DSCAM: variants seen among roughly 807,000 people sequenced by gnomAD.
DSCAM encodes the protein cell adhesion molecule DSCAM.
DSCAM carries 47 observed loss-of-function variants against 217.7 expected under a neutral mutation model. The ratio of observed to expected loss-of-function variants is 0.22; its 90% confidence interval spans 0.17 to 0.28. DSCAM has a LOEUF of 0.28. Among genes scored for constraint, DSCAM ranks in the 10% least tolerant of loss-of-function variants. The pLI is 1.00. For synonymous variants in DSCAM, 1,056 were observed against 1,015.3 expected, an observed-to-expected ratio of 1.04 and a Z score of -0.76; for missense variants, 2,080 against 2,618.3, an observed-to-expected ratio of 0.79 and a Z score of 4.49.
intron 1 of DSCAM, among the ~76,000 whole-genome samples, chr21:40,713,769 T>G (rs1220361678): frequency 2.6e-5 from 4 of 152,192 alleles, no homozygotes; most frequent in Non-Finnish European, 5.9e-5. Flanking sequence ...ACCAGTCATT[T>G]AAACACTAAG....
intron 20 of DSCAM, among the ~76,000 whole-genome samples, chr21:40,117,654 T>A (rs534153378): frequency 1.3e-5 from 2 of 152,134 alleles, no homozygotes; most frequent in South Asian, 4.2e-4. Context: ...TGAAATAGAA[T>A]AGAAAAAAAG....
chr21:40,704,837 A>G (rs1485054504), intron 2 of DSCAM, among the ~76,000 whole-genome samples: 1 of 152,246 alleles, frequency 6.6e-6, no homozygotes, highest in African/African-American at 2.4e-5. Flanking sequence ...ATTCAACTTC[A>G]TATTCAACAA....
At chr21:40,610,587 A>ATCCCC (rs2089299802) in intron 3 of DSCAM, among the ~76,000 whole-genome samples, 1 of 152,228 alleles carries the variant, frequency 6.6e-6, no homozygotes, top group South Asian at 2.1e-4. Flanking sequence ...GTCTGATTCC[A>ATCCCC]TCCCCTCCCC....
chr21:40,472,824 A>C (rs1464294267), intron 3 of DSCAM, among the ~76,000 whole-genome samples: 1 of 152,208 alleles, frequency 6.6e-6, no homozygotes, highest in Non-Finnish European at 1.5e-5. Context: ...CAATTCTCCC[A>C]ATATGCATGT....
intron 1 of DSCAM, among the ~76,000 whole-genome samples, chr21:40,806,167 C>T (rs2091785234): frequency 6.6e-6 from 1 of 152,200 alleles, no homozygotes; most frequent in Admixed American, 6.5e-5. Flanking sequence ...ATGAGGCTGG[C>T]CCTTCTTTCC....
rs75088819 is a variant in DSCAM at position 40,090,190 on chromosome 21, T to C, written c.3851-2903A>G. On this transcript the variant is annotated intron_variant, in intron 21 of 32. Transcript: ENST00000400454. ...GTCGTGGGCTCTTTCTTATGTATTGTTGATTTCTCGTTTCTCCCTCTCTAC... is the reference window on the plus strand; with the variant it reads ...GTCGTGGGCTCTTTCTTATGTATTGCTGATTTCTCGTTTCTCCCTCTCTAC... Among the ~76,000 whole-genome samples the C allele has an allele frequency of 2.6e-4, 40 of 152,336 alleles. No homozygotes were observed. The East Asian group carries it at 7.5e-3, about 29-fold the overall frequency.
intron 14 of DSCAM, among the ~76,000 whole-genome samples, chr21:40,185,979 C>T (rs562778513): frequency 6.6e-6 from 1 of 152,344 alleles, no homozygotes; most frequent in East Asian, 1.9e-4. Flanking sequence ...TCTAGGCCCC[C>T]AGTTGCAACT....
At chr21:40,735,113 T>C (rs530026583) in intron 1 of DSCAM, among the ~76,000 whole-genome samples, 1 of 152,262 alleles carries the variant, frequency 6.6e-6, no homozygotes, top group African/African-American at 2.4e-5. Context: ...TGTACATATA[T>C]GTTATTTGCA....
At chr21:40,683,849 T>C (rs1361045072) in intron 3 of DSCAM, among the ~76,000 whole-genome samples, 1 of 152,026 alleles carries the variant, frequency 6.6e-6, no homozygotes, top group East Asian at 1.9e-4. Context: ...TCCAGGATGC[T>C]GAGAAAAAGC....
chr21:40,493,069 G>A (rs2076088901), intron 3 of DSCAM, among the ~76,000 whole-genome samples: 1 of 152,176 alleles, frequency 6.6e-6, no homozygotes, highest in Non-Finnish European at 1.5e-5. Context: ...CCAGGAGGAG[G>A]TGGGATGATA....
intron 10 of DSCAM, among the ~76,000 whole-genome samples, chr21:40,277,917 A>G (rs993854304): frequency 3.3e-5 from 5 of 151,902 alleles, no homozygotes; most frequent in Non-Finnish European, 7.4e-5. Flanking sequence ...AAGTACACGA[A>G]TGTAGATTGA....
rs2091657673 is a variant in DSCAM, at chr21:40,792,832, C to T, written c.43+53787G>A. 2.6e-5 allele frequency among the ~76,000 whole-genome samples: 4 copies of T among 152,326 alleles called. No homozygotes were observed. In the South Asian group the frequency reaches 8.3e-4, roughly 32 times the overall value. On this transcript the variant is annotated intron_variant, in intron 1 of 32. Coordinates refer to ENST00000400454, the MANE Select transcript of DSCAM (RefSeq NM_001389.5). ...TCTACCCCTGCTGTAGAGTTTCTGA[C>T]AGCTCTGAATGTTAATTGAAAGCTG...
At chr21:40,390,724 T>C (rs1004302050) in intron 3 of DSCAM, among the ~76,000 whole-genome samples, 3 of 152,138 alleles carry the variant, frequency 2.0e-5, no homozygotes, top group Admixed American at 2.0e-4. Flanking sequence ...CACATGGCCA[T>C]GTTCTCTCTG....
chr21:40,691,581 T>C (rs1281100265), intron 3 of DSCAM, among the ~76,000 whole-genome samples: 1 of 152,306 alleles, frequency 6.6e-6, no homozygotes, highest in Admixed American at 6.5e-5. Flanking sequence ...TAAAAATGTA[T>C]AAGGGAGTCT....
rs1601354856 is a variant in DSCAM at position 40,124,068 on chromosome 21, G to A, written c.3696+127C>T. 3.1e-6 allele frequency: 4 copies of A among 1,308,438 alleles called. No individual in the cohort carries two copies. The East Asian group carries it at 9.3e-5, about 30-fold the overall frequency. 81.1% of individuals were successfully genotyped at this position (1,308,438 alleles called of 1,614,324 possible). A position where few individuals can be genotyped will look rare whatever the true frequency, so the allele number is the denominator to read the frequency against. On this transcript the variant is annotated intron_variant, in intron 20 of 32. Transcript: ENST00000400454. Reference sequence around the variant, plus strand: ...TTTGTTTTGTATGTGGAGACAGCAGGGGCAAAACAAAACCACTGGAAAGAC... The same window carrying A: ...TTTGTTTTGTATGTGGAGACAGCAGAGGCAAAACAAAACCACTGGAAAGAC...
chr21:40,225,798 C>T (rs2091327870), intron 11 of DSCAM, among the ~76,000 whole-genome samples: 2 of 152,104 alleles, frequency 1.3e-5, no homozygotes. Flanking sequence ...TTTGTGTGAA[C>T]TAAGGGGAGA....
intron 3 of DSCAM, among the ~76,000 whole-genome samples, chr21:40,452,322 T>C (rs977962700): frequency 7.3e-5 from 11 of 151,368 alleles, no homozygotes; most frequent in African/African-American, 2.7e-4. Context: ...ATCTAACTTG[T>C]GAAATAAAAA....
At chr21:40,517,664 G>T (rs932736505) in intron 3 of DSCAM, among the ~76,000 whole-genome samples, 1 of 152,122 alleles carries the variant, frequency 6.6e-6, no homozygotes, top group African/African-American at 2.4e-5. Context: ...ACAGGACAGT[G>T]CATGTCATAA....
At chr21:40,595,789 GAAGC>G (rs1390997474) in intron 3 of DSCAM, among the ~76,000 whole-genome samples, 7 of 152,226 alleles carry the variant, frequency 4.6e-5, no homozygotes, top group Non-Finnish European at 1.0e-4. Context: ...AAATAGCAAA[GAAGC>G]AAGCAAGTTG....
Sources: allele counts gnomAD v4.1 joint callset (sites outside exome capture counted in the v4.1 genomes callset), GRCh38; gene constraint gnomAD v4.1.1; transcripts MANE v1.5; gene names NCBI Gene and HGNC (gene_info 2026-07-23, HGNC 2026-07-21).